CEP290: variants seen among roughly 807,000 people sequenced by gnomAD.
CEP290 encodes centrosomal protein of 290 kDa.
Under a neutral mutation model 344.9 loss-of-function variants are expected in CEP290, and 317 were observed. That is an observed-to-expected ratio of 0.92 (90% CI 0.84 to 1.01). The LOEUF is 1.01. Among genes scored for constraint, CEP290 ranks in the 50% least tolerant of loss-of-function variants. The pLI, the probability that CEP290 is intolerant of heterozygous loss-of-function variation, is 0.00. For missense variants in CEP290, 2,754 were observed against 2,761.4 expected (o/e 1.00, Z 0.06); for synonymous variants, 932 against 895.8 (o/e 1.04, Z -0.72).
chr12:88,087,775 A>C lies in CEP290; in HGVS notation c.4194+5T>G, dbSNP rs938376883. 2.5e-6 allele frequency: 3 copies of C among 1,210,480 alleles called. No individual in the cohort carries two copies. In the African/African-American group the frequency reaches 4.8e-5, roughly 19 times the overall value. The allele number at this position is 1,210,480 out of a possible 1,614,324, so 75.0% of individuals were successfully genotyped here. ...GAAAAAAATGAAATAAATATAAAAT[A>C]AAACCTTGTTCTGTTGCACAATTTC... is the stretch of plus-strand genomic sequence containing the variant. On this transcript the variant is annotated splice_donor_5th_base_variant and intron_variant, in intron 32 of 53. Coordinates refer to ENST00000552810, the MANE Select transcript of CEP290 (RefSeq NM_025114.4).
intron 29 of CEP290, 95 bp downstream of exon 29, chr12:88,092,586 A>T: frequency 9.8e-7 from 1 of 1,023,458 alleles, no homozygotes; most frequent in Non-Finnish European, 1.4e-6. Context: ...AGTATCAATT[A>T]CTACTAAGAA....
intron 53 of CEP290, chr12:88,049,803 C>G (rs1204464365): frequency 6.5e-6 from 1 of 154,808 alleles, no homozygotes; most frequent in African/African-American, 2.5e-5. Flanking sequence ...ATTTTCCTTA[C>G]TAATATCTAA....
At position 88,089,495 on chromosome 12, in the gene CEP290, TAA is replaced by T. The variant is rs10717563; in HGVS notation, c.3574-10_3574-9del. On this transcript the variant is annotated splice_polypyrimidine_tract_variant and intron_variant, in intron 30 of 53. Coordinates refer to ENST00000552810, the MANE Select transcript of CEP290 (RefSeq NM_025114.4). ...CTTTTCATCAGACTGTGCCTGATATTAAAAAAAATATATATTTGTAGTAAGTT... is the reference window on the plus strand; with the variant it reads ...CTTTTCATCAGACTGTGCCTGATATTAAAAAATATATATTTGTAGTAAGTT... 7.2e-7 allele frequency: 1 copy of T among 1,394,824 alleles called. No homozygotes were observed. Among genetic ancestry groups the T allele is most frequent in the Non-Finnish European group, 9.4e-7 (1 of 1,068,316 alleles). 86.4% of individuals were successfully genotyped at this position (1,394,824 alleles called of 1,614,324 possible).
chr12:88,090,146 A>G (rs1248805223), intron 30 of CEP290, among the ~76,000 whole-genome samples: 1 of 152,262 alleles, frequency 6.6e-6, no homozygotes, highest in Non-Finnish European at 1.5e-5. Context: ...TATAAATACA[A>G]GAGAAAATAT....
chr12:88,091,671 T>G (rs2037055389), intron 29 of CEP290, among the ~76,000 whole-genome samples: 1 of 151,966 alleles, frequency 6.6e-6, no homozygotes, highest in African/African-American at 2.4e-5. Context: ...AAGGATCAAT[T>G]TTTTTAAAAA....
At chr12:88,129,096 T>C in intron 10 of CEP290, 61 bp from the exon 11 acceptor site, 4 of 891,766 alleles carry the variant, frequency 4.5e-6, no homozygotes, top group Non-Finnish European at 6.5e-6. Flanking sequence ...TTTACACCTG[T>C]GCATATTTAC....
chr12:88,120,445 T>C (rs2039334319), intron 14 of CEP290, among the ~76,000 whole-genome samples, 169 bp from the exon 15 acceptor site: 1 of 152,172 alleles, frequency 6.6e-6, no homozygotes, highest in African/African-American at 2.4e-5. Context: ...CCAGTAATAA[T>C]AATGATGTAA....
At chr12:88,075,568 A>C (rs2035704820) in intron 41 of CEP290, among the ~76,000 whole-genome samples, 1 of 152,162 alleles carries the variant, frequency 6.6e-6, no homozygotes. Flanking sequence ...GATGAACAAA[A>C]GACAAGTACA....
chr12:88,111,370 C>T lies in CEP290; in HGVS notation c.2218-19G>A. 6.4e-7 allele frequency: 1 copy of T among 1,554,990 alleles called. No individual in the cohort carries two copies. Among genetic ancestry groups the T allele is most frequent in the Non-Finnish European group, 8.7e-7 (1 of 1,152,016 alleles). On this transcript the variant is annotated intron_variant, in intron 21 of 53. Transcript: ENST00000552810. Reference sequence around the variant, plus strand: ...GGTCTATCTGGAAAAAAAAATCCAGCAATGAGAATCACAACTCTTACACCC... The same window carrying T: ...GGTCTATCTGGAAAAAAAAATCCAGTAATGAGAATCACAACTCTTACACCC...
intron 49 of CEP290, among the ~76,000 whole-genome samples, chr12:88,057,637 G>C (rs974218289): frequency 3.3e-5 from 5 of 152,148 alleles, no homozygotes; most frequent in African/African-American, 1.2e-4. Flanking sequence ...GAGTGGAGAA[G>C]TGTGGATTCT....
At chr12:88,081,034 C>T (rs901399680) in intron 37 of CEP290, among the ~76,000 whole-genome samples, 2 of 152,104 alleles carry the variant, frequency 1.3e-5, no homozygotes, top group Non-Finnish European at 2.9e-5. Context: ...GTGATTGCTT[C>T]CTCTATATGA....
Position 88,084,860 on chromosome 12 carries a change from G to A in CEP290, c.4438-8C>T. 6.7e-7 allele frequency: 1 copy of A among 1,496,432 alleles called. No homozygotes were observed. The highest frequency in any genetic ancestry group is 8.9e-7 in the Non-Finnish European group (1 of 1,120,098). 92.7% of individuals were successfully genotyped at this position (1,496,432 alleles called of 1,614,324 possible). On this transcript the variant is annotated splice_polypyrimidine_tract_variant and splice_region_variant and intron_variant, in intron 34 of 53. Coordinates refer to ENST00000552810, the MANE Select transcript of CEP290 (RefSeq NM_025114.4). ...TTCTTTCTCTTTTAGTTTCTGCAAT[G>A]ATTAAATTATAATAAATCATTAAAG...
chr12:88,084,609 G>A lies in CEP290; in HGVS notation c.4681C>T (p.Arg1561Cys), dbSNP rs763605289. 1.1e-5 allele frequency: 17 copies of A among 1,611,610 alleles called. No homozygotes were observed. The highest frequency in any genetic ancestry group is 3.3e-5 in the South Asian group (3 of 90,920). Reference protein sequence around the residue: ...QKEEVLKKYQRLLEKAREEQR... With the variant: ...QKEEVLKKYQCLLEKAREEQR... ...ACCTCTCTGGCTTTTTCTAGAAGAC[G>A]TTGATACTTCTTTAATACTTCTTCT... is the stretch of plus-strand genomic sequence containing the variant. Residue 1561 changes from arginine (R) to cysteine (C), a missense_variant, in exon 35 of 54, where the codon CGT becomes TGT. Transcript: ENST00000552810.
chr12:88,096,621 C>T (rs113454035), intron 27 of CEP290, among the ~76,000 whole-genome samples: 32 of 152,052 alleles, frequency 2.1e-4, no homozygotes, highest in Middle Eastern at 6.8e-3. Context: ...AATTGTTAAA[C>T]GGTTCAAAGT....
chr12:88,059,108 G>A, intron 48 of CEP290, 88 bp from the exon 49 acceptor site: 12 of 1,135,392 alleles, frequency 1.1e-5, no homozygotes, highest in South Asian at 5.4e-5. Context: ...ATTACAAATT[G>A]GAAAACAAAA....
intron 20 of CEP290, among the ~76,000 whole-genome samples, chr12:88,114,127 G>A (rs892154925): frequency 5.3e-5 from 8 of 152,046 alleles, no homozygotes; most frequent in Non-Finnish European, 8.8e-5. Context: ...CAGCAAAAAC[G>A]AGCTCCAAAG....
chr12:88,059,131 T>C (rs1469078490), intron 48 of CEP290, 111 bp from the exon 49 acceptor site: 6 of 822,252 alleles, frequency 7.3e-6, no homozygotes, highest in South Asian at 4.2e-5. Flanking sequence ...AACCTGGGGC[T>C]CTAAATGCTG....
At chr12:88,130,013 T>C (rs1294347253) in intron 9 of CEP290, 137 bp from the exon 10 acceptor site, 21 of 650,776 alleles carry the variant, frequency 3.2e-5, no homozygotes, top group Non-Finnish European at 5.1e-5. Flanking sequence ...TAATTGGCAT[T>C]GACCAATTAA....
At chr12:88,083,996 A>C in intron 35 of CEP290, 42 bp from the exon 36 acceptor site, 2 of 1,236,468 alleles carry the variant, frequency 1.6e-6, no homozygotes, top group East Asian at 2.5e-5. Context: ...AATTGTGATT[A>C]AAACAAATTC....
Sources: allele counts gnomAD v4.1 joint callset (sites outside exome capture counted in the v4.1 genomes callset), GRCh38; gene constraint gnomAD v4.1.1; transcripts MANE v1.5; gene names NCBI Gene and HGNC (gene_info 2026-07-23, HGNC 2026-07-21).